HYDIN: variants seen among roughly 807,000 people sequenced by gnomAD.
HYDIN encodes HYDIN axonemal central pair apparatus protein, also known as axonemal central pair apparatus protein HYDIN.
HYDIN carries 132 observed loss-of-function variants against 403.9 expected under a neutral mutation model. The ratio of observed to expected loss-of-function variants is 0.33; its 90% CI spans 0.28 to 0.38. The LOEUF (loss-of-function observed/expected upper bound fraction) is 0.38. HYDIN is among the 10% of genes least tolerant of loss of function. HYDIN has a pLI of 1.00. For synonymous variants in HYDIN, 1,202 were observed against 1,891.7 expected, an observed-to-expected ratio of 0.64 and a Z score of 9.46; for missense variants, 2,827 against 5,009.5, an observed-to-expected ratio of 0.56 and a Z score of 13.15.
chr16:71,127,062 T>C (rs1481278704), intron 9 of HYDIN, among the ~76,000 whole-genome samples: 2 of 152,162 alleles, frequency 1.3e-5, no homozygotes, highest in Admixed American at 6.5e-5. Context: ...TCAGGAACTA[T>C]AGTTTTTAAG....
At chr16:70,921,851 T>C (rs1168447490) in intron 45 of HYDIN, among the ~76,000 whole-genome samples, 1 of 152,232 alleles carries the variant, frequency 6.6e-6, no homozygotes, top group African/African-American at 2.4e-5. Flanking sequence ...TTTTAAAATA[T>C]GTATTTATTT....
rs547391183 is a variant in HYDIN at position 71,175,718 on chromosome 16, C to A, written c.405G>T (p.Val135=). The A allele has an allele frequency of 1.2e-6, 2 of 1,614,178 alleles. No individual in the cohort carries two copies. Among genetic ancestry groups the A allele is most frequent in the East Asian group, 2.2e-5 (1 of 44,884 alleles). ...CTTTAAAGTAAGGCGAACTTTCTTCCACAACTTTCACCAACCTTGGAATCT... is the reference window on the plus strand; with the variant it reads ...CTTTAAAGTAAGGCGAACTTTCTTCAACAACTTTCACCAACCTTGGAATCT... ...NDKIPRLVKV[V]EESSPYFKVI... is the part of the protein sequence containing the mutation. The change falls in exon 5 of 86, where the codon GTG becomes GTT. Residue 135 remains valine (V), a synonymous_variant. Coordinates refer to ENST00000393567, the MANE Select transcript of HYDIN (RefSeq NM_001270974.2).
intron 10 of HYDIN, among the ~76,000 whole-genome samples, chr16:71,103,014 T>C (rs1003338629): frequency 3.3e-5 from 5 of 150,224 alleles, no homozygotes; most frequent in African/African-American, 1.2e-4. Flanking sequence ...CCTTGTGTTA[T>C]ACAGGAATCT....
chr16:70,899,716 G>A (rs1367893777), intron 53 of HYDIN, among the ~76,000 whole-genome samples: 1 of 152,250 alleles, frequency 6.6e-6, no homozygotes, highest in Non-Finnish European at 1.5e-5. Flanking sequence ...AAGAGGTGGT[G>A]CTCTGAAGGA....
intron 43 of HYDIN, among the ~76,000 whole-genome samples, chr16:70,941,069 T>C (rs1213145208): frequency 6.7e-6 from 1 of 149,782 alleles, no homozygotes; most frequent in Non-Finnish European, 1.5e-5. Flanking sequence ...TCTCAGGCCA[T>C]TGGCATAAGG....
intron 74 of HYDIN, 74 bp from the exon 75 acceptor site, chr16:70,850,021 G>A: frequency 3.4e-6 from 2 of 594,100 alleles, no homozygotes; most frequent in East Asian, 2.8e-5. Flanking sequence ...GTAACATGTT[G>A]ATGAAAAATA....
Position 70,985,499 on chromosome 16 carries a change from C to T in HYDIN, c.4195-177G>A, listed in dbSNP as rs2079165162. ...GGGGCACTAGACTCTGGAAACCTGG[C>T]TCTTAGTTCTTCTAAGAACCGATTC... On this transcript the variant is annotated intron_variant, in intron 27 of 85. Transcript: ENST00000393567. 2.0e-5 allele frequency among the ~76,000 whole-genome samples: 3 copies of T among 152,250 alleles called. No individual in the cohort carries two copies. In the South Asian group the frequency reaches 6.2e-4, roughly 32 times the overall value.
chr16:71,134,247 C>G (rs1274791914), intron 8 of HYDIN, among the ~76,000 whole-genome samples: 1 of 151,658 alleles, frequency 6.6e-6, no homozygotes, highest in African/African-American at 2.4e-5. Context: ...AACTTTCAGC[C>G]CCTGGAGATG....
chr16:71,037,365 G>T (rs1265466152), intron 18 of HYDIN, among the ~76,000 whole-genome samples: 1 of 151,202 alleles, frequency 6.6e-6, no homozygotes. Context: ...TAACATACAA[G>T]ACTCTTGCCA....
chr16:70,808,230 A>G (rs1397221749), intron 85 of HYDIN, among the ~76,000 whole-genome samples, 168 bp from the exon 86 acceptor site: 1 of 152,208 alleles, frequency 6.6e-6, no homozygotes, highest in African/African-American at 2.4e-5. Context: ...GGTAGGTATT[A>G]CTAATTATTA....
chr16:70,830,917 C>A (rs1244450847), intron 80 of HYDIN, among the ~76,000 whole-genome samples: 1 of 151,854 alleles, frequency 6.6e-6, no homozygotes, highest in Non-Finnish European at 1.5e-5. Context: ...GTCCAGGCTG[C>A]AGATAAAGAT....
At chr16:71,056,693 T>C (rs570824604) in intron 18 of HYDIN, among the ~76,000 whole-genome samples, 207 of 152,394 alleles carry the variant, frequency 1.4e-3, no homozygotes, top group Non-Finnish European at 2.6e-3. Context: ...TGGCCCCTCC[T>C]GTCACAGCAT....
chr16:71,195,614 T>C (rs1024276250), intron 1 of HYDIN, among the ~76,000 whole-genome samples: 7 of 152,212 alleles, frequency 4.6e-5, no homozygotes, highest in Admixed American at 1.3e-4. Flanking sequence ...TTGTGTGCTA[T>C]GGTTTTCTAT....
In HYDIN at chr16:71,128,580, G is replaced by A. The variant is rs1888398169; in HGVS notation, c.1227+1060C>T. Among the ~76,000 whole-genome samples, 3 of 151,608 alleles carry A rather than the reference G, an allele frequency of 2.0e-5. No individual in the cohort carries two copies. In the South Asian group the frequency reaches 6.3e-4, roughly 32 times the overall value. On this transcript the variant is annotated intron_variant, in intron 9 of 85. Coordinates refer to ENST00000393567, the MANE Select transcript of HYDIN (RefSeq NM_001270974.2). ...GCGGGCTTCCTCACCTCCTATTGCT[G>A]TTTTTTTTGTTTGTTTTTTGTTTTT...
At chr16:70,951,233 T>A (rs1343583356) in intron 41 of HYDIN, among the ~76,000 whole-genome samples, 1 of 144,892 alleles carries the variant, frequency 6.9e-6, no homozygotes, top group Non-Finnish European at 1.5e-5. Flanking sequence ...AGACCCTGAC[T>A]CTAGGGAAAA....
At chr16:70,939,062 A>T (rs2077588663) in intron 43 of HYDIN, among the ~76,000 whole-genome samples, 1 of 152,202 alleles carries the variant, frequency 6.6e-6, no homozygotes, top group South Asian at 2.1e-4. Context: ...TGAGGTGGGC[A>T]GATTATTTTG....
At chr16:70,972,713 C>A (rs1247576443) in intron 35 of HYDIN, among the ~76,000 whole-genome samples, 1 of 152,172 alleles carries the variant, frequency 6.6e-6, no homozygotes, top group Non-Finnish European at 1.5e-5. Flanking sequence ...AACCCAGGGG[C>A]CAGATACTTT....
In HYDIN at chr16:71,178,430, AAAAAAT is replaced by A. The variant is rs1309584760; in HGVS notation, c.381+492_381+497del. Reference sequence around the variant, plus strand: ...GTGAAACTCTGTCTCAAAAAAAAAAAAAAAATATATATATATATATATGTATATATA... The same window carrying A: ...GTGAAACTCTGTCTCAAAAAAAAAAAATATATATATATATATGTATATATA... On this transcript the variant is annotated intron_variant, in intron 4 of 85. Coordinates refer to ENST00000393567, the MANE Select transcript of HYDIN (RefSeq NM_001270974.2). 5.5e-3 allele frequency among the ~76,000 whole-genome samples: 647 copies of A among 118,472 alleles called. 8 individuals are homozygous for A. Among genetic ancestry groups the A allele is most frequent in the African/African-American group, 0.017 (556 of 32,774 alleles). 77.7% of individuals were successfully genotyped at this position (118,472 alleles called of 152,430 possible).
At chr16:71,216,119 T>A (rs1346080656) in intron 1 of HYDIN, among the ~76,000 whole-genome samples, 4 of 152,196 alleles carry the variant, frequency 2.6e-5, no homozygotes, top group Admixed American at 1.3e-4. Context: ...TTTACCCTGG[T>A]AGACAGTCCA....
Sources: gnomAD v4.1 joint callset for allele counts (sites outside exome capture counted in the v4.1 genomes callset) on GRCh38, gnomAD v4.1.1 for gene constraint, MANE v1.5 for transcripts, NCBI Gene and HGNC (gene_info 2026-07-23, HGNC 2026-07-21) for gene names.